Variants in KLHL13 observed in about 807,000 individuals in gnomAD.
The protein encoded by KLHL13 is kelch-like protein 13.
In KLHL13, 10 loss-of-function variants were observed where a neutral mutation model predicts 37.1. The observed-to-expected ratio is 0.27, with a 90% CI of 0.17 to 0.46. The LOEUF (loss-of-function observed/expected upper bound fraction) is 0.46, where lower values mean the gene tolerates loss of function less well. Ranked by LOEUF, KLHL13 falls within the 20% of genes least tolerant of loss-of-function variation. The pLI is 1.00. For missense variants in KLHL13, 360 were observed against 509.3 expected (o/e 0.71, Z 2.82); for synonymous variants, 163 against 181.2 (o/e 0.90, Z 0.81).
chrX:118,069,550 TA>T (rs2054834375), intron 1 of KLHL13, among the ~76,000 whole-genome samples: 1 of 108,659 alleles, frequency 9.2e-6, no homozygotes, highest in African/African-American at 3.3e-5. Flanking sequence ...TTTATACAAA[TA>T]AAAAACAATA....
intron 1 of KLHL13, among the ~76,000 whole-genome samples, chrX:118,017,367 T>C (rs1348668598): frequency 1.8e-5 from 2 of 111,583 alleles, no homozygotes; most frequent in African/African-American, 6.5e-5. Context: ...CATTGGATGT[T>C]ATCCTAAAAT....
At chrX:118,018,286 T>C (rs1017273761) in intron 1 of KLHL13, among the ~76,000 whole-genome samples, 26 of 111,687 alleles carry the variant, frequency 2.3e-4, no homozygotes, top group African/African-American at 8.1e-4. Context: ...ATATTTATTA[T>C]CTGACCACAC....
At chrX:117,912,904 A>T (rs1168500466) in intron 4 of KLHL13, among the ~76,000 whole-genome samples, 2 of 112,016 alleles carry the variant, frequency 1.8e-5, no homozygotes, top group African/African-American at 6.5e-5. Context: ...AAGTAAAGAT[A>T]CGATGATAGA....
At chrX:117,944,201 G>T (rs1453253334) in intron 2 of KLHL13, among the ~76,000 whole-genome samples, 1 of 110,272 alleles carries the variant, frequency 9.1e-6, no homozygotes, top group Non-Finnish European at 1.9e-5. Context: ...CGTTGATCTT[G>T]CCGGGAGCTG....
intron 1 of KLHL13, among the ~76,000 whole-genome samples, chrX:118,074,985 A>G (rs1299625211): frequency 8.9e-6 from 1 of 112,067 alleles, no homozygotes; most frequent in Non-Finnish European, 1.9e-5. Context: ...GAAATTGTTT[A>G]GATTATCTGT....
At position 117,973,358 on chromosome X, in the gene KLHL13, C is replaced by T. The variant is rs373317414; in HGVS notation, c.-530G>A. The T allele has an allele frequency of 1.2e-5, 12 of 970,607 alleles. No homozygotes were observed. The African/African-American group carries it at 2.4e-4, about 19-fold the overall frequency. The allele number at this position is 970,607 out of a possible 1,213,427, so 80.0% of individuals were successfully genotyped here. ...CTCTGAACAATCTTCTTTTGAGCTGCAACAATACAAATGGGATATAAACCT... is the reference window on the plus strand; with the variant it reads ...CTCTGAACAATCTTCTTTTGAGCTGTAACAATACAAATGGGATATAAACCT... On this transcript the variant is annotated 5_prime_UTR_variant, in exon 1 of 7. Transcript: ENST00000262820.
intron 1 of KLHL13, among the ~76,000 whole-genome samples, chrX:117,995,575 C>T (rs913728093): frequency 2.7e-5 from 3 of 111,328 alleles, no homozygotes; most frequent in African/African-American, 6.5e-5. Context: ...CAGAATGTTG[C>T]GCAACCACCC....
intron 1 of KLHL13, among the ~76,000 whole-genome samples, chrX:117,996,796 A>T (rs779178703): frequency 6.2e-4 from 67 of 107,784 alleles, no homozygotes; most frequent in Admixed American, 6.2e-3. Flanking sequence ...CGCACATAAT[A>T]CTTCAGAAAA....
At chrX:118,079,027 T>C (rs1219313484) in intron 1 of KLHL13, among the ~76,000 whole-genome samples, 2 of 110,343 alleles carry the variant, frequency 1.8e-5, no homozygotes, top group Admixed American at 2.0e-4. Context: ...CACAGTAAAA[T>C]TGATCATCTA....
At chrX:118,085,815 G>C (rs1042674498) in intron 1 of KLHL13, among the ~76,000 whole-genome samples, 2 of 104,530 alleles carry the variant, frequency 1.9e-5, no homozygotes, top group African/African-American at 7.4e-5. Flanking sequence ...GTGTGTGTGT[G>C]TGTGTGTGTG....
At chrX:118,091,545 G>A (rs748693806) in intron 1 of KLHL13, among the ~76,000 whole-genome samples, 1 of 110,581 alleles carries the variant, frequency 9.0e-6, no homozygotes, top group South Asian at 3.8e-4. Flanking sequence ...AAAGACAGAG[G>A]AAAAATCAGT....
At chrX:118,035,633 A>G (rs1388203292) in intron 1 of KLHL13, among the ~76,000 whole-genome samples, 1 of 110,596 alleles carries the variant, frequency 9.0e-6, no homozygotes, top group African/African-American at 3.4e-5. Flanking sequence ...CACAGCCAAT[A>G]TCATACTGAA....
At chrX:117,931,591 T>C (rs1932456101) in intron 2 of KLHL13, among the ~76,000 whole-genome samples, 1 of 112,641 alleles carries the variant, frequency 8.9e-6, no homozygotes, top group Non-Finnish European at 1.9e-5. Flanking sequence ...TATTATATCA[T>C]TCATTCCAAA....
chrX:117,901,962 AG>A lies in KLHL13; in HGVS notation c.1367-17del. 1 of 887,207 alleles carries A rather than the reference AG, an allele frequency of 1.1e-6. No individual in the cohort carries two copies. Among genetic ancestry groups the A allele is most frequent in the Non-Finnish European group, 1.6e-6 (1 of 619,986 alleles). 73.1% of individuals were successfully genotyped at this position (887,207 alleles called of 1,213,427 possible). Reference sequence around the variant, plus strand: ...TCTACTGTGGCTGTTAAAAAAAAAAAGAAAAGAAAATTATTTTTAACTTCAA... The same window carrying A: ...TCTACTGTGGCTGTTAAAAAAAAAAAAAAAGAAAATTATTTTTAACTTCAA... On this transcript the variant is annotated splice_polypyrimidine_tract_variant and intron_variant, in intron 5 of 6. Coordinates refer to ENST00000262820, the Ensembl canonical transcript of KLHL13.
At chrX:117,906,735 C>T (rs906094764) in intron 5 of KLHL13, among the ~76,000 whole-genome samples, 4 of 111,058 alleles carry the variant, frequency 3.6e-5, no homozygotes, top group African/African-American at 6.5e-5. Context: ...TTTTAAGGGA[C>T]GCAATCATTT....
intron 3 of KLHL13, 148 bp downstream of exon 4, chrX:117,920,090 G>GT: frequency 1.9e-6 from 1 of 516,705 alleles, no homozygotes; most frequent in Admixed American, 4.3e-5. Context: ...TGTTAAAACA[G>GT]CACCACCGAA....
chrX:117,937,826 T>G (rs917173447), intron 2 of KLHL13, among the ~76,000 whole-genome samples: 2 of 112,040 alleles, frequency 1.8e-5, no homozygotes, highest in African/African-American at 3.2e-5. Context: ...TGCAATGATA[T>G]CCAGAGTCAA....
chrX:118,089,116 T>C (rs1007817940), intron 1 of KLHL13, among the ~76,000 whole-genome samples: 2 of 111,469 alleles, frequency 1.8e-5, no homozygotes, highest in Admixed American at 1.9e-4. Flanking sequence ...GAAAAAAATA[T>C]GGCTGCACCC....
intron 1 of KLHL13, among the ~76,000 whole-genome samples, chrX:118,078,061 A>C (rs1166191667): frequency 2.7e-5 from 3 of 111,920 alleles, no homozygotes; most frequent in Non-Finnish European, 5.7e-5. Context: ...TTTTGTTTTA[A>C]AAGTTACTTT....
Sources: allele counts gnomAD v4.1 joint callset (sites outside exome capture counted in the v4.1 genomes callset), GRCh38; gene constraint gnomAD v4.1.1; transcripts MANE v1.5; gene names NCBI Gene and HGNC (gene_info 2026-07-23, HGNC 2026-07-21).